Variants in RCOR3 observed in about 807,000 individuals in gnomAD.
The protein encoded by RCOR3 is REST corepressor 3.
A neutral mutation model predicts 64.1 loss-of-function variants in RCOR3; 13 were observed. The ratio of observed to expected loss-of-function variants is 0.20; its 90% CI spans 0.13 to 0.32. The LOEUF is 0.32. Among genes scored for constraint, RCOR3 ranks in the 10% least tolerant of loss-of-function variants. RCOR3 has a pLI of 1.00. For synonymous variants in RCOR3, 215 were observed against 239.0 expected (o/e 0.90, Z 0.93); for missense variants, 489 against 701.2 (o/e 0.70, Z 3.42).
chr1:211,295,795 C>G (rs1344102042), intron 9 of RCOR3, 42 bp downstream of exon 9: 1 of 1,550,246 alleles, frequency 6.5e-7, no homozygotes, highest in Admixed American at 1.7e-5. Context: ...ATAGTGAAAA[C>G]TTGTTTTTTC....
rs1409022449 is a variant in RCOR3, at chr1:211,314,496, C to CA, written c.*729dup. 6.6e-6 allele frequency: 1 copy of CA among 152,124 alleles called. No individual in the cohort carries two copies. Among genetic ancestry groups the CA allele is most frequent in the Non-Finnish European group, 1.5e-5 (1 of 67,994 alleles). The allele number at this position is 152,124 out of a possible 1,614,324, so 9.4% of individuals were successfully genotyped here. On this transcript the variant is annotated 3_prime_UTR_variant, in exon 12 of 12. Transcript: ENST00000419091. ...AGTCCTTGTTTAAAGGTCATTGACT[C>CA]ATCATCTGTCAGTAATGAGAGGATT...
intron 10 of RCOR3, among the ~76,000 whole-genome samples, chr1:211,308,673 GTTTTT>G (rs545513442): frequency 2.5e-5 from 1 of 40,488 alleles, no homozygotes; most frequent in Non-Finnish European, 5.4e-5. Flanking sequence ...TTTTTTTTTT[GTTTTT>G]TTTTTGTTTT....
Position 211,279,332 on chromosome 1 carries a change from A to G in RCOR3, c.720+16A>G, listed in dbSNP as rs750691300. 3 of 1,568,640 alleles carry G rather than the reference A, an allele frequency of 1.9e-6. No individual in the cohort carries two copies. The highest frequency in any genetic ancestry group is 1.8e-6 in the Non-Finnish European group (2 of 1,140,310). On this transcript the variant is annotated intron_variant, in intron 7 of 11. Transcript: ENST00000419091. ...CAAAAAAGAGGTAATGATGATCACT[A>G]GAAGTACTTGTGATTGTTCTACAAA...
At chr1:211,264,962 T>C (rs1366381101) in intron 2 of RCOR3, among the ~76,000 whole-genome samples, 1 of 152,246 alleles carries the variant, frequency 6.6e-6, no homozygotes, top group Middle Eastern at 3.2e-3. Flanking sequence ...TAATCTAATA[T>C]GGCATAATAA....
At chr1:211,277,544 A>G (rs1697190618) in intron 5 of RCOR3, among the ~76,000 whole-genome samples, 1 of 152,192 alleles carries the variant, frequency 6.6e-6, no homozygotes, top group African/African-American at 2.4e-5. Context: ...ACATCTTGCT[A>G]ATTGAAAGAA....
At chr1:211,273,998 G>A (rs933761795) in intron 3 of RCOR3, among the ~76,000 whole-genome samples, 3 of 152,208 alleles carry the variant, frequency 2.0e-5, no homozygotes, top group Non-Finnish European at 1.5e-5. Context: ...TAGTCGTAGA[G>A]ATAAGTTATA....
intron 5 of RCOR3, among the ~76,000 whole-genome samples, chr1:211,277,335 G>T (rs1697160661): frequency 6.6e-6 from 1 of 151,912 alleles, no homozygotes; most frequent in Admixed American, 6.6e-5. Context: ...TTCCATAATG[G>T]AAGAGAACAT....
intron 7 of RCOR3, among the ~76,000 whole-genome samples, chr1:211,282,392 T>C (rs1452630387): frequency 1.3e-5 from 2 of 152,236 alleles, no homozygotes. Flanking sequence ...GTTTTAATTT[T>C]AACTTTTAAA....
chr1:211,277,096 A>C (rs1238227120), intron 5 of RCOR3, among the ~76,000 whole-genome samples: 1 of 150,554 alleles, frequency 6.6e-6, no homozygotes, highest in Middle Eastern at 3.5e-3. Flanking sequence ...AAAAAAAAAA[A>C]CAAAAAAAAC....
chr1:211,270,831 C>T (rs1047426719), intron 2 of RCOR3, among the ~76,000 whole-genome samples: 14 of 150,430 alleles, frequency 9.3e-5, no homozygotes, highest in Non-Finnish European at 1.6e-4. Context: ...GCTGCAGGTA[C>T]TGTACTAAAA....
At chr1:211,286,671 A>C (rs1281365874) in intron 7 of RCOR3, among the ~76,000 whole-genome samples, 1 of 152,112 alleles carries the variant, frequency 6.6e-6, no homozygotes, top group African/African-American at 2.4e-5. Flanking sequence ...TATTTAACTT[A>C]AAATCTAATA....
chr1:211,275,547 G>A (rs886830958), intron 4 of RCOR3, among the ~76,000 whole-genome samples: 4 of 152,028 alleles, frequency 2.6e-5, no homozygotes, highest in Non-Finnish European at 4.4e-5. Flanking sequence ...AAAAGTTTGT[G>A]CCCTAAATGA....
intron 8 of RCOR3, among the ~76,000 whole-genome samples, chr1:211,291,062 C>T (rs1699193163): frequency 1.3e-5 from 2 of 151,888 alleles, no homozygotes; most frequent in Non-Finnish European, 2.9e-5. Flanking sequence ...CAGTAGTCCT[C>T]CCTTAATCCG....
intron 9 of RCOR3, among the ~76,000 whole-genome samples, chr1:211,299,842 G>A (rs1254846573): frequency 1.3e-5 from 2 of 152,004 alleles, no homozygotes; most frequent in Non-Finnish European, 2.9e-5. Flanking sequence ...CAGCTACCAC[G>A]CAGTTTTAGA....
At chr1:211,296,798 A>T (rs1699900605) in intron 9 of RCOR3, among the ~76,000 whole-genome samples, 1 of 152,128 alleles carries the variant, frequency 6.6e-6, no homozygotes, top group East Asian at 1.9e-4. Context: ...GGATAATATA[A>T]TACCAAAAAT....
In RCOR3 at chr1:211,313,361, ATATTG is replaced by A. The variant is rs1198115053; in HGVS notation, c.1318-58_1318-54del. On this transcript the variant is annotated intron_variant, in intron 11 of 11. Transcript: ENST00000419091. The surrounding 1 kb of genome is among the most constrained non-coding windows in gnomAD (Gnocchi z 4.7). ...TGTTTTTCCTGTGACAGCCCAAACT[ATATTG>A]TATTAAGTTCATTAGGACTTACATC... 5 of 1,537,962 alleles carry A rather than the reference ATATTG, an allele frequency of 3.3e-6. No individual in the cohort carries two copies. The highest frequency in any genetic ancestry group is 4.5e-5 in the East Asian group (2 of 44,056).
At chr1:211,300,139 C>T (rs1340294006) in intron 9 of RCOR3, among the ~76,000 whole-genome samples, 2 of 143,226 alleles carry the variant, frequency 1.4e-5, no homozygotes, top group East Asian at 2.1e-4. Flanking sequence ...GGCATGATCT[C>T]GGCTCTCTGC....
chr1:211,285,854 A>T (rs1698449099), intron 7 of RCOR3, among the ~76,000 whole-genome samples: 1 of 152,078 alleles, frequency 6.6e-6, no homozygotes, highest in Admixed American at 6.5e-5. Flanking sequence ...TTATATGTTG[A>T]AGTTAGTGTT....
chr1:211,308,698 T>TTTTTTTG (rs1701171863), intron 10 of RCOR3, among the ~76,000 whole-genome samples: 4 of 40,872 alleles, frequency 9.8e-5, no homozygotes, highest in African/African-American at 2.7e-4. Flanking sequence ...TTTTTTTTTT[T>TTTTTTTG]TGTGTAGTCC....
Sources: gnomAD v4.1 joint callset for allele counts (sites outside exome capture counted in the v4.1 genomes callset) on GRCh38, gnomAD v4.1.1 for gene constraint, Gnocchi (gnomAD v3.1) non-coding constraint, MANE v1.5 for transcripts, NCBI Gene and HGNC (gene_info 2026-07-23, HGNC 2026-07-21) for gene names.